The following TSHZ2 variants were observed in gnomAD, a reference collection of about 807,000 sequenced individuals.
The protein encoded by TSHZ2 is teashirt homolog 2.
A neutral mutation model predicts 74.4 loss-of-function variants in TSHZ2; 21 were observed. That is an observed-to-expected ratio of 0.28 (90% confidence interval 0.20 to 0.41). The LOEUF (loss-of-function observed/expected upper bound fraction) is 0.41, where lower values mean the gene tolerates loss of function less well. Ranked by LOEUF, TSHZ2 falls within the 10% of genes least tolerant of loss-of-function variation. The pLI is 1.00. For synonymous variants in TSHZ2, 540 were observed against 515.3 expected (o/e 1.05, Z -0.65); for missense variants, 1,244 against 1,293.5 (o/e 0.96, Z 0.59).
chr20:53,362,398 A>T (rs1192697562), intron 2 of TSHZ2, among the ~76,000 whole-genome samples: 1 of 147,012 alleles, frequency 6.8e-6, no homozygotes, highest in Admixed American at 6.8e-5. Context: ...GTTAGCCAGG[A>T]TGGTCTCAAT....
At chr20:53,434,695 C>T (rs1983978093) in intron 2 of TSHZ2, among the ~76,000 whole-genome samples, 1 of 152,228 alleles carries the variant, frequency 6.6e-6, no homozygotes. Context: ...TGGAGAGCCG[C>T]AAAGCAAGCA....
At chr20:53,359,822 G>T (rs1309035601) in intron 2 of TSHZ2, among the ~76,000 whole-genome samples, 1 of 152,204 alleles carries the variant, frequency 6.6e-6, no homozygotes, top group Non-Finnish European at 1.5e-5. Context: ...GGCTAAAGAT[G>T]GTGAGAGGTA....
intron 1 of TSHZ2, among the ~76,000 whole-genome samples, chr20:53,168,389 T>TTC (rs1242805420): frequency 6.6e-6 from 1 of 152,230 alleles, no homozygotes; most frequent in African/African-American, 2.4e-5. Flanking sequence ...GTCTAGTTTA[T>TTC]GAGAATGGAA....
chr20:53,152,027 G>GA (rs58212975), intron 1 of TSHZ2, among the ~76,000 whole-genome samples: 3,245 of 152,306 alleles, frequency 0.021, 125 homozygotes, highest in African/African-American at 0.074. Flanking sequence ...TGTAAAATGG[G>GA]AAGCATCATC....
At chr20:53,397,392 C>A (rs1982488617) in intron 2 of TSHZ2, among the ~76,000 whole-genome samples, 2 of 152,270 alleles carry the variant, frequency 1.3e-5, no homozygotes, top group South Asian at 4.2e-4. Flanking sequence ...TCATCACTGG[C>A]CATCAGAGAA....
At chr20:53,370,680 G>A (rs538237595) in intron 2 of TSHZ2, among the ~76,000 whole-genome samples, 7 of 152,196 alleles carry the variant, frequency 4.6e-5, no homozygotes, top group Admixed American at 3.9e-4. Flanking sequence ...GGGAAGATCG[G>A]TTGAGGCCAG....
intron 1 of TSHZ2, among the ~76,000 whole-genome samples, chr20:53,139,159 A>G (rs949982853): frequency 1.2e-4 from 18 of 152,204 alleles, no homozygotes; most frequent in African/African-American, 4.1e-4. Context: ...ATGCCTTCAC[A>G]TAACACTCAC....
At chr20:53,322,028 A>C (rs1187581432) in intron 2 of TSHZ2, among the ~76,000 whole-genome samples, 1 of 152,182 alleles carries the variant, frequency 6.6e-6, no homozygotes, top group Non-Finnish European at 1.5e-5. Context: ...TCATGGAGAA[A>C]GCTTGGACTT....
At chr20:53,354,816 G>A (rs149546319) in intron 2 of TSHZ2, among the ~76,000 whole-genome samples, 3 of 152,280 alleles carry the variant, frequency 2.0e-5, no homozygotes, top group Admixed American at 2.0e-4. Context: ...ACAATTAATT[G>A]TAAGTTATTT....
chr20:53,480,503 G>A (rs1299856399), intron 2 of TSHZ2, among the ~76,000 whole-genome samples: 1 of 151,660 alleles, frequency 6.6e-6, no homozygotes, highest in East Asian at 1.9e-4. Context: ...GGAGATCAAG[G>A]CTGCAGTGAA....
At chr20:53,290,497 A>G (rs998209252) in intron 2 of TSHZ2, among the ~76,000 whole-genome samples, 1 of 152,176 alleles carries the variant, frequency 6.6e-6, no homozygotes, top group Non-Finnish European at 1.5e-5. Context: ...TAAAAGACAC[A>G]GGTTCTCATC....
At chr20:53,245,871 A>G (rs886948786) in intron 1 of TSHZ2, among the ~76,000 whole-genome samples, 3 of 152,152 alleles carry the variant, frequency 2.0e-5, no homozygotes, top group African/African-American at 7.2e-5. Context: ...CCAGAAAAGC[A>G]CACCAGATTC....
At chr20:53,406,111 C>T (rs1373366099) in intron 2 of TSHZ2, among the ~76,000 whole-genome samples, 2 of 151,716 alleles carry the variant, frequency 1.3e-5, no homozygotes, top group Admixed American at 6.6e-5. Flanking sequence ...TGAGCTGAGA[C>T]CTAAGTAGTG....
intron 2 of TSHZ2, among the ~76,000 whole-genome samples, chr20:53,440,413 A>G (rs753758025): frequency 2.0e-4 from 30 of 152,364 alleles, no homozygotes; most frequent in South Asian, 4.1e-4. Flanking sequence ...TTTCTGATGC[A>G]TCATTTCAGC....
chr20:53,387,336 T>C (rs1982085860), intron 2 of TSHZ2, among the ~76,000 whole-genome samples: 2 of 152,254 alleles, frequency 1.3e-5, no homozygotes, highest in Admixed American at 1.3e-4. Context: ...ATCTGGGACC[T>C]GGCTTCAGGA....
At chr20:53,210,492 G>A (rs944813384) in intron 1 of TSHZ2, among the ~76,000 whole-genome samples, 1 of 151,974 alleles carries the variant, frequency 6.6e-6, no homozygotes, top group South Asian at 2.1e-4. Context: ...AACTCCAACC[G>A]TTTCCACATG....
At chr20:53,315,069 A>G (rs1978945347) in intron 2 of TSHZ2, among the ~76,000 whole-genome samples, 1 of 152,256 alleles carries the variant, frequency 6.6e-6, no homozygotes, top group South Asian at 2.1e-4. Flanking sequence ...ATTCAAAAAA[A>G]GGAGATGCAG....
At chr20:53,010,685 A>G (rs577883476) in intron 1 of TSHZ2, among the ~76,000 whole-genome samples, 20 of 152,314 alleles carry the variant, frequency 1.3e-4, no homozygotes, top group Middle Eastern at 3.4e-3. Context: ...ATTACAAAAA[A>G]CACAGCAAAT....
At chr20:53,034,725 G>T (rs1234196202) in intron 1 of TSHZ2, among the ~76,000 whole-genome samples, 1 of 152,160 alleles carries the variant, frequency 6.6e-6, no homozygotes, top group Non-Finnish European at 1.5e-5. Context: ...AAGGGCAAAG[G>T]CCCTAAGGCA....
Sources: allele counts gnomAD v4.1 joint callset (sites outside exome capture counted in the v4.1 genomes callset), GRCh38; gene constraint gnomAD v4.1.1; transcripts MANE v1.5; gene names NCBI Gene and HGNC (gene_info 2026-07-23, HGNC 2026-07-21).